The following NDUFA8 variants were observed in gnomAD, a reference collection of about 807,000 sequenced individuals.
The protein encoded by NDUFA8 is NADH:ubiquinone oxidoreductase subunit A8.
In NDUFA8, 16 loss-of-function variants were observed where a neutral mutation model predicts 20.9. The ratio of observed to expected loss-of-function variants is 0.77; its 90% CI spans 0.52 to 1.16. The LOEUF (loss-of-function observed/expected upper bound fraction) is 1.16. Ranked by LOEUF, NDUFA8 falls within the 50% of genes most tolerant of loss-of-function variation. The probability of loss-of-function intolerance (pLI) is 0.00; values close to 1 mark genes in which losing one functional copy is unlikely to be tolerated. For synonymous variants in NDUFA8, 70 were observed against 76.1 expected, an observed-to-expected ratio of 0.92 and a Z score of 0.41; for missense variants, 202 against 216.4, an observed-to-expected ratio of 0.93 and a Z score of 0.42.
chr9:122,158,098 G>A (rs1257130632), intron 1 of NDUFA8, among the ~76,000 whole-genome samples: 3 of 152,050 alleles, frequency 2.0e-5, no homozygotes, highest in African/African-American at 4.8e-5. Flanking sequence ...GGTTGCAGTG[G>A]GCCAATATCG....
intron 1 of NDUFA8, among the ~76,000 whole-genome samples, chr9:122,159,197 C>G (rs1588297330): frequency 2.6e-5 from 4 of 152,246 alleles, no homozygotes; most frequent in Admixed American, 6.5e-5. Flanking sequence ...CTTCGTCACC[C>G]CACTCTATGC....
the NDUFA8 span, chr9:122,133,068 G>C: frequency 2.2e-6 from 1 of 454,970 alleles, no homozygotes; most frequent in African/African-American, 2.0e-5. Flanking sequence ...CTGCAAAGTA[G>C]ACCTTACTTC....
chr9:122,152,912 C>A (rs993032975), intron 1 of NDUFA8, among the ~76,000 whole-genome samples: 1 of 151,812 alleles, frequency 6.6e-6, no homozygotes, highest in African/African-American at 2.4e-5. Flanking sequence ...TTCTGGGATG[C>A]AGGGAGAGGA....
At chr9:122,157,928 CAGATTACGAGGTCAGG>C (rs1200878753) in intron 1 of NDUFA8, among the ~76,000 whole-genome samples, 1 of 152,146 alleles carries the variant, frequency 6.6e-6, no homozygotes, top group African/African-American at 2.4e-5. Flanking sequence ...CCGAGGCAGG[CAGATTACGAGGTCAGG>C]AGATCGAAAC....
At chr9:122,145,632 C>T (rs899995753) in intron 3 of NDUFA8, among the ~76,000 whole-genome samples, 1 of 152,180 alleles carries the variant, frequency 6.6e-6, no homozygotes, top group Non-Finnish European at 1.5e-5. Flanking sequence ...CCTTATGAGG[C>T]ATTATTATCT....
chr9:122,132,932 T>G, the NDUFA8 span: 1 of 455,958 alleles, frequency 2.2e-6, no homozygotes, highest in East Asian at 6.9e-5. Flanking sequence ...GATGCTGCAG[T>G]GTCTATTTCT....
chr9:122,148,409 C>G (rs1242969774), intron 2 of NDUFA8, 132 bp from the exon 3 acceptor site: 6 of 1,003,964 alleles, frequency 6.0e-6, no homozygotes, highest in Non-Finnish European at 9.2e-6. Flanking sequence ...ATATTCTTAT[C>G]TCACTTACAA....
In NDUFA8 at chr9:122,152,346, C is replaced by T; in HGVS notation, c.114G>A (p.Lys38=). ...GGCAGAGCATAAACTCCTTGTTGGG[C>T]TTATCACATTGAGCTCCATAGTGAT... ...AAHHYGAQCD[K]PNKEFMLCRW... is the part of the protein sequence containing the mutation. Residue 38 remains lysine (K), a synonymous_variant, in exon 2 of 4, where the codon AAG becomes AAA. Transcript: ENST00000373768. The T allele has an allele frequency of 6.2e-7, 1 of 1,614,112 alleles. No individual in the cohort carries two copies. The highest frequency in any genetic ancestry group is 8.5e-7 in the Non-Finnish European group (1 of 1,180,034).
intron 1 of NDUFA8, among the ~76,000 whole-genome samples, chr9:122,153,027 G>C (rs961602838): frequency 1.3e-5 from 2 of 152,078 alleles, no homozygotes; most frequent in Non-Finnish European, 2.9e-5. Context: ...CACTTTGGGA[G>C]GCCAAAGCAG....
At chr9:122,150,759 C>G (rs1012316285) in intron 2 of NDUFA8, among the ~76,000 whole-genome samples, 8 of 151,974 alleles carry the variant, frequency 5.3e-5, no homozygotes, top group Non-Finnish European at 1.2e-4. Flanking sequence ...CACTTGAGGT[C>G]AGGAGTTCAA....
intron 1 of NDUFA8, among the ~76,000 whole-genome samples, chr9:122,158,665 G>A (rs995964768): frequency 1.0e-4 from 15 of 146,568 alleles, no homozygotes; most frequent in South Asian, 6.5e-4. Context: ...GTGTGTGTGT[G>A]TATATATATA....
downstream of NDUFA8, among the ~76,000 whole-genome samples, chr9:122,140,395 T>A (rs1828801510): frequency 6.6e-6 from 1 of 152,188 alleles, no homozygotes; most frequent in South Asian, 2.1e-4. Context: ...AAAAAAATCC[T>A]TTATTATATC....
chr9:122,141,866 CAA>C (rs1431267418), downstream of NDUFA8, among the ~76,000 whole-genome samples: 1 of 152,052 alleles, frequency 6.6e-6, no homozygotes, highest in Non-Finnish European at 1.5e-5. Context: ...ACAGGAAAGC[CAA>C]AAGTCAGTTT....
the NDUFA8 span, among the ~76,000 whole-genome samples, chr9:122,133,542 G>A: frequency 0.58 from 88,416 of 152,032 alleles, 26,876 homozygotes; most frequent in Middle Eastern, 0.71. Context: ...GATTCTAGGA[G>A]GCAGAGCCTC....
At chr9:122,137,098 TC>T in the NDUFA8 span, among the ~76,000 whole-genome samples, 2 of 152,124 alleles carry the variant, frequency 1.3e-5, no homozygotes, top group Non-Finnish European at 2.9e-5. Flanking sequence ...TTTGGCCCAA[TC>T]AAAAGGCAGT....
chr9:122,157,673 G>A (rs935262692), intron 1 of NDUFA8, among the ~76,000 whole-genome samples: 1 of 151,986 alleles, frequency 6.6e-6, no homozygotes. Context: ...GTGGGGGCAG[G>A]GGGGTGGTTC....
chr9:122,158,230 T>C (rs1472774119), intron 1 of NDUFA8, among the ~76,000 whole-genome samples: 1 of 152,148 alleles, frequency 6.6e-6, no homozygotes, highest in Non-Finnish European at 1.5e-5. Flanking sequence ...AGTCTTGGCC[T>C]TCCTCTCCTT....
the NDUFA8 span, among the ~76,000 whole-genome samples, chr9:122,136,284 A>G: frequency 0.45 from 67,902 of 152,048 alleles, 18,119 homozygotes; most frequent in Middle Eastern, 0.63. Context: ...CACACATTAT[A>G]TTTTGATAGA....
At chr9:122,152,215 C>G in intron 2 of NDUFA8, 30 bp downstream of exon 2, 1 of 1,613,850 alleles carries the variant, frequency 6.2e-7, no homozygotes, top group Non-Finnish European at 8.5e-7. Context: ...ATGCTTCAAC[C>G]AAGTAGGCAC....
Sources: gnomAD v4.1 joint callset for allele counts (sites outside exome capture counted in the v4.1 genomes callset) on GRCh38, gnomAD v4.1.1 for gene constraint, MANE v1.5 for transcripts, NCBI Gene and HGNC (gene_info 2026-07-23, HGNC 2026-07-21) for gene names.